Variants in AATF observed in about 807,000 individuals in gnomAD.
The protein encoded by AATF is protein AATF.
Under a neutral mutation model 63.7 loss-of-function variants are expected in AATF, and 48 were observed. The observed-to-expected ratio is 0.75, with a 90% CI of 0.60 to 0.96. The LOEUF (loss-of-function observed/expected upper bound fraction) is 0.96, where lower values mean the gene tolerates loss of function less well. Among genes scored for constraint, AATF ranks in the 40% least tolerant of loss-of-function variants. The probability of loss-of-function intolerance (pLI) is 0.00; values close to 1 mark genes in which losing one functional copy is unlikely to be tolerated. For missense variants in AATF, 639 were observed against 685.7 expected (o/e 0.93, Z 0.76); for synonymous variants, 258 against 247.7 (o/e 1.04, Z -0.39).
At chr17:36,990,054 C>G (rs1289391675) in intron 7 of AATF, among the ~76,000 whole-genome samples, 1 of 120,350 alleles carries the variant, frequency 8.3e-6, no homozygotes. Context: ...GTTTTTGGGT[C>G]TTTTCTATTT....
rs1388842117 is a variant in AATF, at chr17:36,952,910, G to A, written c.308G>A (p.Gly103Glu). Residue 103 changes from glycine to glutamate, a missense_variant, in exon 3 of 12, where the codon GGG becomes GAG. By Grantham distance (98) the Gly-to-Glu change is moderately conservative. Coordinates refer to ENST00000619387, the MANE Select transcript of AATF (RefSeq NM_012138.4). ...SSDEEISDEE[G>E]SGDEDSEGLG... Reference sequence around the variant, plus strand: ...GATGAGGAAATATCTGATGAGGAAGGGTCTGGAGATGAAGATTCAGAGGGA... The same window carrying A: ...GATGAGGAAATATCTGATGAGGAAGAGTCTGGAGATGAAGATTCAGAGGGA... 2 of 1,614,054 alleles carry A rather than the reference G, an allele frequency of 1.2e-6. No homozygotes were observed. Among genetic ancestry groups the A allele is most frequent in the Admixed American group, 1.7e-5 (1 of 60,010 alleles).
At chr17:36,978,725 G>T (rs150285016) in intron 4 of AATF, among the ~76,000 whole-genome samples, 2 of 151,966 alleles carry the variant, frequency 1.3e-5, no homozygotes, top group African/African-American at 4.8e-5. Flanking sequence ...TTGGCCATAT[G>T]TTGGAAATGA....
chr17:36,970,568 T>C (rs1176138099), intron 4 of AATF, among the ~76,000 whole-genome samples: 1 of 150,120 alleles, frequency 6.7e-6, no homozygotes, highest in Non-Finnish European at 1.5e-5. Context: ...TAAGAGACAG[T>C]GTCTTCCTCT....
At chr17:36,954,150 C>T (rs2070880834) in intron 4 of AATF, among the ~76,000 whole-genome samples, 1 of 151,370 alleles carries the variant, frequency 6.6e-6, no homozygotes, top group South Asian at 2.1e-4. Flanking sequence ...TTACTGCAGC[C>T]TCGTCCTCCT....
chr17:36,974,704 G>C (rs1404372108), intron 4 of AATF, among the ~76,000 whole-genome samples: 1 of 152,050 alleles, frequency 6.6e-6, no homozygotes, highest in Non-Finnish European at 1.5e-5. Flanking sequence ...AATGGTATCT[G>C]TTATTTTAAT....
intron 6 of AATF, 86 bp downstream of exon 6, chr17:36,988,806 T>A: frequency 7.9e-7 from 1 of 1,267,918 alleles, no homozygotes; most frequent in Non-Finnish European, 1.1e-6. Flanking sequence ...ACAGCTCATT[T>A]ATATGGATGT....
At chr17:37,050,863 G>A (rs2142328076) in intron 11 of AATF, among the ~76,000 whole-genome samples, 1 of 152,310 alleles carries the variant, frequency 6.6e-6, no homozygotes, top group South Asian at 2.1e-4. Flanking sequence ...TGTATTTAGG[G>A]AGACCCCCCA....
intron 4 of AATF, among the ~76,000 whole-genome samples, chr17:36,976,262 G>C (rs919276430): frequency 5.7e-4 from 87 of 152,156 alleles, no homozygotes; most frequent in African/African-American, 2.0e-3. Context: ...TAAGCTTATA[G>C]TAGTGTTTCA....
intron 4 of AATF, among the ~76,000 whole-genome samples, chr17:36,967,653 TC>T (rs113193885): frequency 0.037 from 5,564 of 152,270 alleles, 342 homozygotes; most frequent in African/African-American, 0.13. Flanking sequence ...CTTGGCTACT[TC>T]CAATTTTTGT....
intron 4 of AATF, among the ~76,000 whole-genome samples, chr17:36,984,110 T>TA (rs1347215680): frequency 6.6e-6 from 1 of 152,178 alleles, no homozygotes; most frequent in Non-Finnish European, 1.5e-5. Flanking sequence ...GAATAAGACA[T>TA]AAAAATCATT....
intron 8 of AATF, among the ~76,000 whole-genome samples, chr17:36,995,860 A>G (rs1360941244): frequency 1.3e-5 from 2 of 151,992 alleles, no homozygotes; most frequent in African/African-American, 4.8e-5. Flanking sequence ...GAGCCACGGC[A>G]CCCAGCCTGG....
chr17:36,950,602 C>T (rs1015900710), intron 2 of AATF, among the ~76,000 whole-genome samples, 197 bp downstream of exon 2: 4 of 152,138 alleles, frequency 2.6e-5, no homozygotes, highest in African/African-American at 9.7e-5. Flanking sequence ...GGAGTTCAAG[C>T]GAGGCTCCTG....
chr17:36,962,018 A>C, intron 4 of AATF, among the ~76,000 whole-genome samples: 1 of 152,116 alleles, frequency 6.6e-6, no homozygotes, highest in East Asian at 1.9e-4. Flanking sequence ...TATATTGCCT[A>C]ACTAGCCCCT....
chr17:37,051,073 T>G (rs1192312295), intron 11 of AATF: 1 of 152,200 alleles, frequency 6.6e-6, no homozygotes, highest in Non-Finnish European at 1.5e-5. Context: ...ACCTGGCCTA[T>G]GAGTCACTTT....
At chr17:36,986,541 T>C in intron 4 of AATF, 76 bp from the exon 5 acceptor site, 1 of 1,200,344 alleles carries the variant, frequency 8.3e-7, no homozygotes, top group Non-Finnish European at 1.2e-6. Flanking sequence ...TGCTCAGGAG[T>C]CATGAGTTAT....
intron 8 of AATF, among the ~76,000 whole-genome samples, chr17:37,014,465 A>T (rs575572325): frequency 1.3e-5 from 2 of 152,218 alleles, no homozygotes; most frequent in East Asian, 3.9e-4. Context: ...CAAAACTGGG[A>T]CAGGTAAAGT....
intron 8 of AATF, among the ~76,000 whole-genome samples, chr17:36,992,293 G>A (rs1164825796): frequency 6.6e-6 from 1 of 151,080 alleles, no homozygotes; most frequent in Admixed American, 6.6e-5. Flanking sequence ...TGACTAGAGG[G>A]TATAGGAAAA....
chr17:37,036,597 AT>A (rs1194963066), intron 11 of AATF, among the ~76,000 whole-genome samples: 4 of 151,460 alleles, frequency 2.6e-5, no homozygotes, highest in African/African-American at 4.9e-5. Context: ...CAAGCGATCT[AT>A]TTTTTTAAAA....
chr17:37,037,311 G>A (rs1222001111), intron 11 of AATF, among the ~76,000 whole-genome samples: 2 of 152,132 alleles, frequency 1.3e-5, no homozygotes, highest in Non-Finnish European at 1.5e-5. Flanking sequence ...CACCATACCT[G>A]GCTGACAGCG....
Sources: gnomAD v4.1 joint callset for allele counts (sites outside exome capture counted in the v4.1 genomes callset) on GRCh38, gnomAD v4.1.1 for gene constraint, MANE v1.5 for transcripts, NCBI Gene and HGNC (gene_info 2026-07-23, HGNC 2026-07-21) for gene names.